The following OTC variants were observed in gnomAD, a reference collection of about 807,000 sequenced individuals.
OTC encodes the protein ornithine transcarbamylase, also known as ornithine transcarbamylase, mitochondrial.
In OTC, 3 loss-of-function variants were observed where a neutral mutation model predicts 30.3. The observed-to-expected ratio is 0.10, with a 90% confidence interval of 0.05 to 0.26. The LOEUF is 0.26. Ranked by LOEUF, OTC falls within the 10% of genes least tolerant of loss-of-function variation. The probability of loss-of-function intolerance (pLI) is 1.00; values close to 1 mark genes in which losing one functional copy is unlikely to be tolerated. For missense variants in OTC, 194 were observed against 260.3 expected, an observed-to-expected ratio of 0.75 and a Z score of 1.75; for synonymous variants, 111 against 99.7, an observed-to-expected ratio of 1.11 and a Z score of -0.67.
chrX:38,418,654 A>G (rs1038824262), intron 9 of OTC, among the ~76,000 whole-genome samples: 3 of 111,443 alleles, frequency 2.7e-5, no homozygotes, highest in African/African-American at 9.8e-5. Context: ...CTGGTGGGAG[A>G]TAATTGAATC....
intron 4 of OTC, among the ~76,000 whole-genome samples, chrX:38,386,372 C>CA (rs35048362): frequency 0.2 from 16,446 of 83,900 alleles, 1,527 homozygotes; most frequent in African/African-American, 0.21. Context: ...GACTCCATCT[C>CA]AAAAAAAAAA....
intron 1 of OTC, among the ~76,000 whole-genome samples, chrX:38,366,552 A>G (rs2068297086): frequency 8.9e-6 from 1 of 112,048 alleles, no homozygotes; most frequent in Non-Finnish European, 1.9e-5. Flanking sequence ...GCTAAAAGTT[A>G]TCAAATACTT....
intron 4 of OTC, among the ~76,000 whole-genome samples, chrX:38,385,573 T>C (rs2068398336): frequency 9.0e-6 from 1 of 111,475 alleles, no homozygotes; most frequent in African/African-American, 3.3e-5. Context: ...TGCTGATGCA[T>C]AAGCCTAAGG....
chrX:38,352,859 G>A (rs1283072759), intron 1 of OTC, 86 bp downstream of exon 1: 2 of 669,853 alleles, frequency 3.0e-6, no homozygotes, highest in Non-Finnish European at 4.9e-6. Context: ...TCTTTCTGCA[G>A]AATGTAGTGC....
At chrX:38,352,521 C>G (rs1370060294), upstream of OTC, 2 of 454,527 alleles carry the variant, frequency 4.4e-6, no homozygotes, top group African/African-American at 4.8e-5. Context: ...TGCTCCTACA[C>G]CCTGCCCTGC....
At chrX:38,377,756 A>T (rs1179636643) in intron 3 of OTC, among the ~76,000 whole-genome samples, 1 of 111,951 alleles carries the variant, frequency 8.9e-6, no homozygotes, top group Non-Finnish European at 1.9e-5. Flanking sequence ...TCCAGACAAA[A>T]GTCAAAGTTG....
chrX:38,388,534 A>G (rs1325447119), intron 4 of OTC, among the ~76,000 whole-genome samples: 2 of 110,008 alleles, frequency 1.8e-5, no homozygotes, highest in African/African-American at 6.6e-5. Context: ...TTTTTAGAAG[A>G]TTTAAATCAT....
the OTC span, among the ~76,000 whole-genome samples, chrX:38,340,461 TTTTTTTTTTTTG>T: frequency 9.9e-5 from 9 of 91,173 alleles, no homozygotes; most frequent in South Asian, 1.7e-3. Context: ...GTTTTTTTGT[TTTTTTTTTTTTG>T]TTTTTTTTTT....
chrX:38,329,940 A>T, the OTC span, among the ~76,000 whole-genome samples: 3 of 112,044 alleles, frequency 2.7e-5, no homozygotes, highest in Admixed American at 2.8e-4. Context: ...CCCACCCTGT[A>T]CTTTAGTTTT....
At chrX:38,354,282 A>C (rs775852279) in intron 1 of OTC, among the ~76,000 whole-genome samples, 2 of 112,099 alleles carry the variant, frequency 1.8e-5, no homozygotes, top group South Asian at 7.3e-4. Context: ...GAAACCTAAA[A>C]AGTGACAGAC....
intron 4 of OTC, among the ~76,000 whole-genome samples, chrX:38,390,442 A>G (rs2068424044): frequency 8.9e-6 from 1 of 112,082 alleles, no homozygotes; most frequent in South Asian, 3.7e-4. Context: ...AAAAAATAAA[A>G]TCAGAAACAT....
At chrX:38,396,792 T>A (rs1468183020) in intron 4 of OTC, among the ~76,000 whole-genome samples, 1 of 111,707 alleles carries the variant, frequency 9.0e-6, no homozygotes, top group Non-Finnish European at 1.9e-5. Flanking sequence ...AAATTTAGAC[T>A]ACTTTTTATG....
At chrX:38,384,443 A>G (rs1048171466) in intron 4 of OTC, among the ~76,000 whole-genome samples, 3 of 112,433 alleles carry the variant, frequency 2.7e-5, no homozygotes, top group Non-Finnish European at 5.6e-5. Flanking sequence ...GAAATTCAAT[A>G]AAGCTAAATT....
chrX:38,381,531 T>C, intron 4 of OTC, 102 bp downstream of exon 4: 1 of 603,224 alleles, frequency 1.7e-6, no homozygotes. Flanking sequence ...TTCCCTCTAA[T>C]TGTTCTGTTC....
At chrX:38,340,483 T>G in the OTC span, among the ~76,000 whole-genome samples, 11 of 105,129 alleles carry the variant, frequency 1.0e-4, no homozygotes, top group African/African-American at 3.8e-4. Context: ...GTTTTTTTTT[T>G]TTTTTGCAAA....
chrX:38,331,311 G>T, the OTC span, among the ~76,000 whole-genome samples: 5 of 107,257 alleles, frequency 4.7e-5, no homozygotes, highest in African/African-American at 1.7e-4. Flanking sequence ...TGGAGTGCAG[G>T]GGCATGATCT....
At chrX:38,339,054 G>A in the OTC span, among the ~76,000 whole-genome samples, 26 of 112,113 alleles carry the variant, frequency 2.3e-4, no homozygotes, top group East Asian at 7.3e-3. Context: ...TAGTTGGGGG[G>A]TGGGTTCGGA....
the OTC span, among the ~76,000 whole-genome samples, chrX:38,343,183 C>G: frequency 8.9e-6 from 1 of 111,782 alleles, no homozygotes; most frequent in South Asian, 3.8e-4. Context: ...AAACCCTGGT[C>G]AGTAGAAAGC....
chrX:38,401,863 A>T (rs1438452438), intron 5 of OTC, among the ~76,000 whole-genome samples: 1 of 112,104 alleles, frequency 8.9e-6, no homozygotes, highest in Non-Finnish European at 1.9e-5. Flanking sequence ...AGAGGGGGAC[A>T]CTTTCTATCA....
Sources: allele counts gnomAD v4.1 joint callset (sites outside exome capture counted in the v4.1 genomes callset), GRCh38; gene constraint gnomAD v4.1.1; transcripts MANE v1.5; gene names NCBI Gene and HGNC (gene_info 2026-07-23, HGNC 2026-07-21).